PGM1: variants seen among roughly 807,000 people sequenced by gnomAD.
PGM1 encodes phosphoglucomutase 1.
A neutral mutation model predicts 55.6 loss-of-function variants in PGM1; 52 were observed. The observed-to-expected ratio is 0.94, with a 90% CI of 0.75 to 1.18. PGM1 has a LOEUF of 1.18. Ranked by LOEUF, PGM1 falls within the 50% of genes most tolerant of loss-of-function variation. PGM1 has a pLI of 0.00. For synonymous variants in PGM1, 287 were observed against 271.7 expected (o/e 1.06, Z -0.55); for missense variants, 724 against 729.3 (o/e 0.99, Z 0.08).
chr1:63,605,585 T>A (rs1648397051), intron 1 of PGM1, among the ~76,000 whole-genome samples: 1 of 152,054 alleles, frequency 6.6e-6, no homozygotes, highest in Non-Finnish European at 1.5e-5. Context: ...ATTTATTATT[T>A]TTATTTTTTT....
At chr1:63,649,959 A>C (rs1649761426) in intron 8 of PGM1, among the ~76,000 whole-genome samples, 1 of 152,240 alleles carries the variant, frequency 6.6e-6, no homozygotes, top group Non-Finnish European at 1.5e-5. Context: ...CCGATAAATG[A>C]ATGAGTTAAC....
chr1:63,650,475 A>G (rs1288468189), intron 8 of PGM1, among the ~76,000 whole-genome samples: 1 of 152,212 alleles, frequency 6.6e-6, no homozygotes, highest in Admixed American at 6.5e-5. Flanking sequence ...TAACTAGGGG[A>G]AAGAGCTGAC....
intron 1 of PGM1, among the ~76,000 whole-genome samples, chr1:63,628,751 C>G (rs955849975): frequency 7.2e-5 from 11 of 152,074 alleles, no homozygotes; most frequent in Admixed American, 2.0e-4. Flanking sequence ...AACAGAAGTC[C>G]CATCTGTCGC....
rs767573386 is a variant in PGM1 at position 63,651,708 on chromosome 1, A to G, written c.1320A>G (p.Lys440=). 5 of 1,613,826 alleles carry G rather than the reference A, an allele frequency of 3.1e-6. No homozygotes were observed. The Admixed American group carries it at 8.3e-5, about 27-fold the overall frequency. ...YEEVEAEGAN[K]MMKDLEALMF... ...AGGTGGAAGCTGAGGGCGCAAACAAAATGATGAAGGACTTGGAGGCCCTGA... is the reference window on the plus strand; with the variant it reads ...AGGTGGAAGCTGAGGGCGCAAACAAGATGATGAAGGACTTGGAGGCCCTGA... The change falls in exon 9 of 11, where the codon AAA becomes AAG. Residue 440 remains lysine (K), a synonymous_variant. Coordinates refer to ENST00000371084, the MANE Select transcript of PGM1 (RefSeq NM_002633.3).
chr1:63,622,989 G>A lies in PGM1; in HGVS notation c.247-6436G>A, dbSNP rs115838878. The A allele has an allele frequency of 0.019, 2,986 of 156,334 alleles. 92 individuals are homozygous for A. Among genetic ancestry groups the A allele is most frequent in the African/African-American group, 0.068 (2,844 of 41,598 alleles). 9.7% of individuals were successfully genotyped at this position (156,334 alleles called of 1,614,324 possible). A position where few individuals can be genotyped will look rare whatever the true frequency, so the allele number is the denominator to read the frequency against. ...GGCTCTGGTTTAAGGGATGGCAGGAGCAGTGAGAGCCACACCAGGGTGTCT... is the reference window on the plus strand; with the variant it reads ...GGCTCTGGTTTAAGGGATGGCAGGAACAGTGAGAGCCACACCAGGGTGTCT... On this transcript the variant is annotated intron_variant, in intron 1 of 10. Transcript: ENST00000371084.
At chr1:63,651,987 C>T (rs1350903576) in intron 9 of PGM1, 135 bp downstream of exon 9, 2 of 818,582 alleles carry the variant, frequency 2.4e-6, no homozygotes, top group Admixed American at 4.1e-5. Context: ...CTGTTCTTAC[C>T]TGGTTTTCTG....
intron 10 of PGM1, among the ~76,000 whole-genome samples, chr1:63,655,140 C>CTT (rs61138702): frequency 3.5e-5 from 5 of 142,930 alleles, no homozygotes; most frequent in Admixed American, 7.0e-5. Context: ...TGCTCATTTC[C>CTT]TTTTTTTTTT....
At chr1:63,623,798 C>G (rs1252464685) in intron 1 of PGM1, 1 of 1,428,084 alleles carries the variant, frequency 7.0e-7, no homozygotes, top group East Asian at 2.3e-5. Context: ...TTCTGGCTCT[C>G]CAAATAACCT....
At chr1:63,596,941 A>C (rs1162611934) in intron 1 of PGM1, among the ~76,000 whole-genome samples, 2 of 152,218 alleles carry the variant, frequency 1.3e-5, no homozygotes, top group Admixed American at 6.5e-5. Flanking sequence ...CACTTGATTT[A>C]AAGCCAGCAT....
At chr1:63,641,962 A>G (rs1304761199) in intron 7 of PGM1, among the ~76,000 whole-genome samples, 1 of 152,174 alleles carries the variant, frequency 6.6e-6, no homozygotes, top group Non-Finnish European at 1.5e-5. Context: ...AAATTCCTGT[A>G]TGATGCTGGA....
chr1:63,606,476 A>G (rs971650261), intron 1 of PGM1, among the ~76,000 whole-genome samples: 3 of 152,098 alleles, frequency 2.0e-5, no homozygotes, highest in African/African-American at 7.2e-5. Context: ...CCTTCCCTGG[A>G]GTGTTGCTCT....
intron 5 of PGM1, 57 bp downstream of exon 5, chr1:63,635,076 T>TG (rs899219666): frequency 2.7e-6 from 4 of 1,487,680 alleles, no homozygotes; most frequent in Non-Finnish European, 3.8e-6. Flanking sequence ...ATCCTGCAGA[T>TG]GGGGAAAAAA....
chr1:63,659,749 A>G lies in PGM1; in HGVS notation c.*74A>G. The G allele has an allele frequency of 1.8e-6, 2 of 1,111,200 alleles. No homozygotes were observed. 68.8% of individuals were successfully genotyped at this position (1,111,200 alleles called of 1,614,324 possible). ...GTCATCTGATTGAAGAGCATGACAG[A>G]AACAAAATGTATTCACCAAGCATTT... On this transcript the variant is annotated 3_prime_UTR_variant, in exon 11 of 11. Coordinates refer to ENST00000371084, the MANE Select transcript of PGM1 (RefSeq NM_002633.3).
intron 1 of PGM1, chr1:63,623,493 A>G (rs988177135): frequency 1.2e-6 from 2 of 1,612,500 alleles, no homozygotes; most frequent in African/African-American, 2.7e-5. Flanking sequence ...TTTCTGGGAC[A>G]TATAGAAAAA....
rs139535773 is a variant in PGM1, at chr1:63,629,573, A to C, written c.395A>C (p.Asn132Thr). 6.2e-7 allele frequency: 1 copy of C among 1,613,836 alleles called. No individual in the cohort carries two copies. The highest frequency in any genetic ancestry group is 1.1e-5 in the South Asian group (1 of 91,076). ...GPNGDFGIKF[N>T]ISNGGPAPEA... ...AATGGAGATTTTGGAATCAAATTCA[A>C]TATTTCTAATGGAGGTGAGTTTGCT... Residue 132 changes from asparagine (N) to threonine (T), a missense_variant, in exon 2 of 11, where the codon AAT becomes ACT. Physicochemically the swap from Asn to Thr is moderately conservative, Grantham distance 65 (BLOSUM62 0). Coordinates refer to ENST00000371084, the MANE Select transcript of PGM1 (RefSeq NM_002633.3).
intron 4 of PGM1, among the ~76,000 whole-genome samples, chr1:63,632,846 A>G (rs929652366): frequency 3.3e-5 from 5 of 152,246 alleles, no homozygotes; most frequent in Non-Finnish European, 7.4e-5. Context: ...CCCCATCTCT[A>G]TAAAAGTCTC....
chr1:63,643,011 G>A (rs2269242), intron 7 of PGM1, among the ~76,000 whole-genome samples: 32,687 of 152,068 alleles, frequency 0.21, 3,817 homozygotes, highest in Admixed American at 0.34. Context: ...AAGTACAGGG[G>A]TACTTCGGGA....
intron 3 of PGM1, 66 bp downstream of exon 3, chr1:63,630,154 G>T (rs1354376146): frequency 1.6e-5 from 23 of 1,473,426 alleles, no homozygotes; most frequent in Non-Finnish European, 2.2e-5. Flanking sequence ...TCCTTTCAAC[G>T]TTTTAGTAGA....
chr1:63,633,532 A>G (rs1459010527), intron 4 of PGM1, among the ~76,000 whole-genome samples: 1 of 152,178 alleles, frequency 6.6e-6, no homozygotes, highest in African/African-American at 2.4e-5. Context: ...CATGTACTGT[A>G]TTGGGATTAG....
Sources: allele counts gnomAD v4.1 joint callset (sites outside exome capture counted in the v4.1 genomes callset), GRCh38; gene constraint gnomAD v4.1.1; transcripts MANE v1.5; gene names NCBI Gene and HGNC (gene_info 2026-07-23, HGNC 2026-07-21).